The following COL4A4 variants were observed in gnomAD, a reference collection of about 807,000 sequenced individuals.
The protein encoded by COL4A4 is collagen alpha-4(IV) chain.
Under a neutral mutation model 192.9 loss-of-function variants are expected in COL4A4, and 105 were observed. The observed-to-expected ratio is 0.54, with a 90% confidence interval of 0.46 to 0.64. COL4A4 has a LOEUF of 0.64. COL4A4 is among the 30% of genes least tolerant of loss of function. COL4A4 has a pLI of 0.00. For synonymous variants in COL4A4, 762 were observed against 769.9 expected, an observed-to-expected ratio of 0.99 and a Z score of 0.17; for missense variants, 1,967 against 2,169.3, an observed-to-expected ratio of 0.91 and a Z score of 1.85.
At chr2:227,114,192 T>A (rs529198763) in intron 8 of COL4A4, among the ~76,000 whole-genome samples, 1 of 152,342 alleles carries the variant, frequency 6.6e-6, no homozygotes, top group Admixed American at 6.5e-5. Flanking sequence ...CTGGGGTGAT[T>A]TCCCCCCAGG....
downstream of COL4A4, among the ~76,000 whole-genome samples, chr2:227,001,571 GA>G (rs1960968132): frequency 2.0e-5 from 3 of 152,152 alleles, no homozygotes. Context: ...ACCAATTCAC[GA>G]ATGGGGAAAG....
intron 44 of COL4A4, among the ~76,000 whole-genome samples, chr2:227,014,892 CTTT>C (rs1179125792): frequency 7.5e-5 from 8 of 106,586 alleles, no homozygotes; most frequent in Middle Eastern, 5.6e-3. Context: ...CCATGCCTGG[CTTT>C]TTTTTTTTTT....
intron 19 of COL4A4, among the ~76,000 whole-genome samples, chr2:227,095,137 G>A (rs1018403661): frequency 2.6e-5 from 4 of 152,154 alleles, no homozygotes; most frequent in African/African-American, 9.7e-5. Flanking sequence ...GATTATTGGG[G>A]AAGAAACATA....
intron 18 of COL4A4, among the ~76,000 whole-genome samples, chr2:227,099,210 G>A (rs948691998): frequency 1.3e-5 from 2 of 152,104 alleles, no homozygotes; most frequent in African/African-American, 2.4e-5. Context: ...GGGATTACAA[G>A]CATGTGCCAC....
chr2:227,160,688 G>A (rs1472361323), intron 1 of COL4A4, among the ~76,000 whole-genome samples: 1 of 152,182 alleles, frequency 6.6e-6, no homozygotes, highest in Non-Finnish European at 1.5e-5. Flanking sequence ...AGCATAATTT[G>A]CAATTTTAAT....
At chr2:227,055,009 C>G (rs533845110) in intron 30 of COL4A4, among the ~76,000 whole-genome samples, 7 of 152,224 alleles carry the variant, frequency 4.6e-5, no homozygotes, top group Admixed American at 1.3e-4. Flanking sequence ...AGGCTGGTCT[C>G]AAACTCCTAG....
intron 19 of COL4A4, among the ~76,000 whole-genome samples, chr2:227,096,458 T>C (rs2060208994): frequency 6.6e-6 from 1 of 152,220 alleles, no homozygotes; most frequent in African/African-American, 2.4e-5. Context: ...ATGGCTGTCA[T>C]TATTGTGTCC....
intron 4 of COL4A4, among the ~76,000 whole-genome samples, chr2:227,136,489 A>T (rs2062821769): frequency 6.6e-6 from 1 of 152,160 alleles, no homozygotes; most frequent in Admixed American, 6.5e-5. Context: ...AGTAATGGGG[A>T]TTACAGATGA....
intron 42 of COL4A4, among the ~76,000 whole-genome samples, chr2:227,026,412 G>A (rs186077190): frequency 1.4e-3 from 213 of 151,992 alleles, no homozygotes; most frequent in African/African-American, 4.8e-3. Flanking sequence ...GCAGGAGAAC[G>A]GGCGTGAACC....
At chr2:227,100,565 G>A (rs1020216012) in intron 17 of COL4A4, among the ~76,000 whole-genome samples, 5 of 152,084 alleles carry the variant, frequency 3.3e-5, no homozygotes, top group East Asian at 1.9e-4. Context: ...AAGATATGGC[G>A]TGTGTAAGTA....
intron 44 of COL4A4, among the ~76,000 whole-genome samples, chr2:227,015,691 C>A (rs1353657851): frequency 1.3e-5 from 2 of 152,126 alleles, no homozygotes; most frequent in Non-Finnish European, 2.9e-5. Context: ...CAGCTGGCAG[C>A]AAACCAATCA....
chr2:227,143,299 G>A (rs1259279711), intron 3 of COL4A4, among the ~76,000 whole-genome samples: 1 of 152,126 alleles, frequency 6.6e-6, no homozygotes, highest in African/African-American at 2.4e-5. Flanking sequence ...GTACTCTTGG[G>A]CATATTTATC....
chr2:227,053,200 A>G (rs1448410511), intron 31 of COL4A4, among the ~76,000 whole-genome samples: 1 of 147,806 alleles, frequency 6.8e-6, no homozygotes, highest in Non-Finnish European at 1.5e-5. Context: ...AACATCACTT[A>G]TCTAAGCTAG....
chr2:227,142,977 G>A (rs980650401), intron 3 of COL4A4, among the ~76,000 whole-genome samples: 4 of 151,266 alleles, frequency 2.6e-5, no homozygotes, highest in Admixed American at 6.6e-5. Context: ...GCATTAATAA[G>A]CATATTCATA....
chr2:227,018,538 A>G (rs1046635196), intron 44 of COL4A4, among the ~76,000 whole-genome samples: 1 of 152,190 alleles, frequency 6.6e-6, no homozygotes, highest in Non-Finnish European at 1.5e-5. Flanking sequence ...CCTATCAGAG[A>G]AGAGGGGCCC....
intron 41 of COL4A4, among the ~76,000 whole-genome samples, chr2:227,029,746 T>C (rs1967844749): frequency 6.6e-6 from 1 of 152,164 alleles, no homozygotes; most frequent in Non-Finnish European, 1.5e-5. Flanking sequence ...AAAACTGATC[T>C]CCCCAAATAT....
intron 25 of COL4A4, among the ~76,000 whole-genome samples, chr2:227,077,688 T>C (rs1239686661): frequency 6.8e-6 from 1 of 147,006 alleles, no homozygotes; most frequent in Non-Finnish European, 1.5e-5. Flanking sequence ...AGAAAAACAC[T>C]TGAATACTGA....
At chr2:227,042,932 G>A in intron 36 of COL4A4, 145 bp downstream of exon 36, 1 of 675,504 alleles carries the variant, frequency 1.5e-6, no homozygotes, top group African/African-American at 1.8e-5. Flanking sequence ...AGGCATAGGT[G>A]AGCTTAAGTG....
intron 4 of COL4A4, among the ~76,000 whole-genome samples, chr2:227,133,403 T>C (rs915988501): frequency 1.3e-5 from 2 of 152,262 alleles, no homozygotes; most frequent in Non-Finnish European, 2.9e-5. Flanking sequence ...TCTTTTCTCA[T>C]GCACGGATGC....
Sources: gnomAD v4.1 joint callset for allele counts (sites outside exome capture counted in the v4.1 genomes callset) on GRCh38, gnomAD v4.1.1 for gene constraint, MANE v1.5 for transcripts, NCBI Gene and HGNC (gene_info 2026-07-23, HGNC 2026-07-21) for gene names.